ATP9B: variants seen among roughly 807,000 people sequenced by gnomAD.
ATP9B encodes the protein probable phospholipid-transporting ATPase IIB.
ATP9B carries 110 observed loss-of-function variants against 146.1 expected under a neutral mutation model. The observed-to-expected ratio is 0.75, with a 90% CI of 0.65 to 0.88. ATP9B has a LOEUF of 0.88. Among genes scored for constraint, ATP9B ranks in the 40% least tolerant of loss-of-function variants. The pLI is 0.00. For synonymous variants in ATP9B, 604 were observed against 569.7 expected, an observed-to-expected ratio of 1.06 and a Z score of -0.86; for missense variants, 1,499 against 1,496.4, an observed-to-expected ratio of 1.00 and a Z score of -0.03.
At chr18:79,349,882 GGGAGGCC>G (rs894103794) in intron 25 of ATP9B, among the ~76,000 whole-genome samples, 1 of 140,064 alleles carries the variant, frequency 7.1e-6, no homozygotes, top group Admixed American at 7.4e-5. Context: ...TTGCTTCCCT[GGGAGGCC>G]CCGCACCCCC....
At chr18:79,284,576 A>G (rs1314979201) in intron 13 of ATP9B, among the ~76,000 whole-genome samples, 1 of 152,176 alleles carries the variant, frequency 6.6e-6, no homozygotes, top group African/African-American at 2.4e-5. Context: ...AAGATTGGCA[A>G]ATTAGTCTTA....
intron 7 of ATP9B, among the ~76,000 whole-genome samples, chr18:79,163,282 A>G (rs997742237): frequency 2.0e-5 from 3 of 152,236 alleles, no homozygotes; most frequent in Non-Finnish European, 2.9e-5. Flanking sequence ...AAAAAATAGC[A>G]TATGATTTAA....
chr18:79,230,462 T>C (rs946994631), intron 11 of ATP9B, among the ~76,000 whole-genome samples: 4 of 152,110 alleles, frequency 2.6e-5, no homozygotes, highest in Admixed American at 2.6e-4. Flanking sequence ...TCAACCCCTT[T>C]TATAAAAGCT....
chr18:79,334,543 C>T lies in ATP9B; in HGVS notation c.2029-2085C>T, dbSNP rs73973078. 8.8e-3 allele frequency among the ~76,000 whole-genome samples: 1,342 copies of T among 152,136 alleles called. 24 individuals are homozygous for T. Among genetic ancestry groups the T allele is most frequent in the African/African-American group, 0.03 (1,226 of 41,506 alleles). On this transcript the variant is annotated intron_variant, in intron 17 of 29. Transcript: ENST00000426216. ...CTCTCTGTATCCCTGGAAGAGAGCCCGGCTGTCCTGAGCCCCGTCCTGGTC... is the reference window on the plus strand; with the variant it reads ...CTCTCTGTATCCCTGGAAGAGAGCCTGGCTGTCCTGAGCCCCGTCCTGGTC...
chr18:79,163,253 G>A (rs543187562), intron 7 of ATP9B, among the ~76,000 whole-genome samples: 8 of 152,100 alleles, frequency 5.3e-5, no homozygotes, highest in Non-Finnish European at 1.0e-4. Flanking sequence ...AAGTAATAAC[G>A]TTGTTTTTCT....
chr18:79,257,601 C>G lies in ATP9B; in HGVS notation c.1268+4060C>G, dbSNP rs534456387. Among the ~76,000 whole-genome samples, 23 of 152,288 alleles carry G rather than the reference C, an allele frequency of 1.5e-4. No homozygotes were observed. In the South Asian group the frequency reaches 4.4e-3, roughly 29 times the overall value. ...GCGGCAGGCTGCATGGTGAGGCCACCGTGGAAGACCTGGGGAAAATGTCTT... is the reference window on the plus strand; with the variant it reads ...GCGGCAGGCTGCATGGTGAGGCCACGGTGGAAGACCTGGGGAAAATGTCTT... On this transcript the variant is annotated intron_variant, in intron 12 of 29. Transcript: ENST00000426216.
At chr18:79,353,094 G>A (rs1010462790) in intron 25 of ATP9B, 1 of 152,262 alleles carries the variant, frequency 6.6e-6, no homozygotes, top group Non-Finnish European at 1.5e-5. Flanking sequence ...TTAAGGCTCT[G>A]CTACCACGGA....
chr18:79,249,245 G>A (rs958963068), intron 11 of ATP9B, among the ~76,000 whole-genome samples: 1 of 152,172 alleles, frequency 6.6e-6, no homozygotes, highest in African/African-American at 2.4e-5. Flanking sequence ...GCCATTAGTA[G>A]CATTTTAGAT....
intron 8 of ATP9B, among the ~76,000 whole-genome samples, chr18:79,189,062 C>G (rs950857796): frequency 9.9e-5 from 15 of 152,068 alleles, no homozygotes; most frequent in African/African-American, 3.1e-4. Flanking sequence ...GAATTTTGTC[C>G]TTGAGGCCAG....
intron 7 of ATP9B, 71 bp from the exon 8 acceptor site, chr18:79,176,742 G>T: frequency 8.1e-7 from 1 of 1,241,840 alleles, no homozygotes. Flanking sequence ...ATTCTTTGAT[G>T]GCACCTGTAG....
At chr18:79,213,920 C>A in intron 10 of ATP9B, 42 bp from the exon 11 acceptor site, 1 of 1,420,350 alleles carries the variant, frequency 7.0e-7, no homozygotes, top group South Asian at 1.3e-5. Flanking sequence ...TTTTACTCAT[C>A]TTTAAAGTAT....
chr18:79,371,011 A>G (rs2097066224), intron 26 of ATP9B, among the ~76,000 whole-genome samples: 1 of 152,252 alleles, frequency 6.6e-6, no homozygotes, highest in African/African-American at 2.4e-5. Flanking sequence ...TCCTTGGGAA[A>G]TACGTACCAA....
At chr18:79,306,398 T>C (rs2096620696) in intron 14 of ATP9B, among the ~76,000 whole-genome samples, 1 of 152,192 alleles carries the variant, frequency 6.6e-6, no homozygotes, top group Non-Finnish European at 1.5e-5. Flanking sequence ...GGGGACTTGC[T>C]TTAAGAGAGC....
intron 7 of ATP9B, among the ~76,000 whole-genome samples, chr18:79,169,040 G>A (rs967516802): frequency 6.6e-6 from 1 of 152,120 alleles, no homozygotes; most frequent in Non-Finnish European, 1.5e-5. Context: ...ATTTGTGGAG[G>A]CAGCGTCCTG....
chr18:79,335,088 A>G (rs1373984895), intron 17 of ATP9B, among the ~76,000 whole-genome samples: 1 of 151,226 alleles, frequency 6.6e-6, no homozygotes, highest in Non-Finnish European at 1.5e-5. Context: ...ACACAAGGAA[A>G]TGGCACAGAA....
chr18:79,368,166 C>A (rs2147949724), intron 26 of ATP9B, among the ~76,000 whole-genome samples: 1 of 152,332 alleles, frequency 6.6e-6, no homozygotes, highest in East Asian at 1.9e-4. Flanking sequence ...AGCTTCCCTG[C>A]AAGTCTAAAG....
intron 7 of ATP9B, chr18:79,173,761 T>G (rs1169173406): frequency 6.6e-6 from 3 of 455,928 alleles, no homozygotes; most frequent in South Asian, 4.7e-5. Flanking sequence ...GTGGGCTGAT[T>G]TCTCCCATTT....
At chr18:79,363,235 TATA>T (rs2097001007) in intron 26 of ATP9B, 1 of 152,236 alleles carries the variant, frequency 6.6e-6, no homozygotes, top group South Asian at 2.1e-4. Flanking sequence ...TGTAAACATT[TATA>T]ATAATACATT....
chr18:79,338,985 G>A (rs2096841938), intron 19 of ATP9B, among the ~76,000 whole-genome samples: 1 of 152,214 alleles, frequency 6.6e-6, no homozygotes, highest in African/African-American at 2.4e-5. Flanking sequence ...CAGAAAATAG[G>A]CATCTGTTTT....
Sources: gnomAD v4.1 joint callset for allele counts (sites outside exome capture counted in the v4.1 genomes callset) on GRCh38, gnomAD v4.1.1 for gene constraint, MANE v1.5 for transcripts, NCBI Gene and HGNC (gene_info 2026-07-23, HGNC 2026-07-21) for gene names.